CLMP: variants seen among roughly 807,000 people sequenced by gnomAD.
CLMP encodes the protein CXADR-like membrane protein.
In CLMP, 27 loss-of-function variants were observed where a neutral mutation model predicts 45.2. The observed-to-expected ratio is 0.60, with a 90% CI of 0.44 to 0.82. The LOEUF (loss-of-function observed/expected upper bound fraction) is 0.82, where lower values mean the gene tolerates loss of function less well. CLMP is among the 40% of genes least tolerant of loss of function. The pLI, the probability that CLMP is intolerant of heterozygous loss-of-function variation, is 0.00. For missense variants in CLMP, 403 were observed against 448.4 expected (o/e 0.90, Z 0.91); for synonymous variants, 167 against 171.4 (o/e 0.97, Z 0.20).
At chr11:123,139,217 A>G (rs547730260) in intron 1 of CLMP, among the ~76,000 whole-genome samples, 4 of 151,910 alleles carry the variant, frequency 2.6e-5, no homozygotes, top group East Asian at 2.0e-4. Context: ...AAACCTCTGA[A>G]CTACAGAATA....
intron 1 of CLMP, among the ~76,000 whole-genome samples, chr11:123,101,601 AG>A (rs1483195187): frequency 1.3e-5 from 2 of 152,240 alleles, no homozygotes; most frequent in African/African-American, 4.8e-5. Context: ...AGGAGCCCTC[AG>A]AGGCATCTGA....
intron 1 of CLMP, among the ~76,000 whole-genome samples, chr11:123,127,644 A>G (rs1434176062): frequency 6.6e-6 from 1 of 152,192 alleles, no homozygotes; most frequent in Non-Finnish European, 1.5e-5. Context: ...CAACCCAGAT[A>G]AAGATATGAC....
intron 1 of CLMP, among the ~76,000 whole-genome samples, chr11:123,099,751 T>C (rs1376631813): frequency 1.3e-5 from 2 of 151,926 alleles, no homozygotes; most frequent in Non-Finnish European, 1.5e-5. Flanking sequence ...GAAGAAGAAA[T>C]GTGGAAAAAT....
At chr11:123,129,363 AT>A (rs1860948746) in intron 1 of CLMP, among the ~76,000 whole-genome samples, 4 of 119,232 alleles carry the variant, frequency 3.4e-5, no homozygotes, top group Admixed American at 9.1e-5. Context: ...CATATGATAT[AT>A]TATATAAAAT....
At position 123,179,416 on chromosome 11, in the gene CLMP, C is replaced by T. The variant is rs531628182; in HGVS notation, c.28+15497G>A. Among the ~76,000 whole-genome samples, 13 of 152,290 alleles carry T rather than the reference C, an allele frequency of 8.5e-5. No individual in the cohort carries two copies. In the South Asian group the frequency reaches 2.3e-3, roughly 27 times the overall value. ...ATCTCTTGTGTCAGAAAGAAAGGAA[C>T]AAGGAAGCCTGGGGAAGGGTGGAGT... On this transcript the variant is annotated intron_variant, in intron 1 of 6. Coordinates refer to ENST00000448775, the MANE Select transcript of CLMP (RefSeq NM_024769.5).
chr11:123,165,156 A>C (rs1448325890), intron 1 of CLMP, among the ~76,000 whole-genome samples: 1 of 152,198 alleles, frequency 6.6e-6, no homozygotes, highest in East Asian at 1.9e-4. Flanking sequence ...CCTCATATCC[A>C]CCATAGCATC....
intron 1 of CLMP, among the ~76,000 whole-genome samples, chr11:123,131,484 C>CA (rs1405115953): frequency 6.6e-6 from 1 of 152,044 alleles, no homozygotes; most frequent in African/African-American, 2.4e-5. Context: ...AAAATAAGCC[C>CA]AAAACTAACC....
Position 123,083,159 on chromosome 11 carries a change from T to G in CLMP, c.605A>C (p.Tyr202Ser), listed in dbSNP as rs775445474. 1.9e-6 allele frequency: 3 copies of G among 1,613,840 alleles called. No homozygotes were observed. The African/African-American group carries it at 4.0e-5, about 22-fold the overall frequency. The change falls in exon 5 of 7, where the codon TAC (tyrosine) becomes TCC (serine). Residue 202 changes from tyrosine to serine, a missense_variant. Transcript: ENST00000448775. ...RVLLQNLTMSYSGLYQCTAGN... is the reference protein window; with the variant it reads ...RVLLQNLTMSSSGLYQCTAGN... ...TGCTGTGCACTGGTACAGTCCAGAG[T>G]AGGACATGGTAAGATTCTGCAGCAG... is the stretch of plus-strand genomic sequence containing the variant.
At chr11:123,181,286 A>T (rs934104263) in intron 1 of CLMP, among the ~76,000 whole-genome samples, 1 of 152,158 alleles carries the variant, frequency 6.6e-6, no homozygotes, top group African/African-American at 2.4e-5. Context: ...TTCCAGAGTG[A>T]GACTGAACAA....
At chr11:123,125,991 CA>C (rs1194935531) in intron 1 of CLMP, among the ~76,000 whole-genome samples, 1 of 152,136 alleles carries the variant, frequency 6.6e-6, no homozygotes. Flanking sequence ...TAGAGTATAA[CA>C]AAGACAACTT....
chr11:123,136,412 T>C, intron 1 of CLMP: 4 of 454,040 alleles, frequency 8.8e-6, no homozygotes, highest in Admixed American at 3.1e-5. Flanking sequence ...AGTTCTAGGG[T>C]GGTCCCCCCC....
At chr11:123,134,384 C>T (rs567274617) in intron 1 of CLMP, among the ~76,000 whole-genome samples, 27 of 152,122 alleles carry the variant, frequency 1.8e-4, no homozygotes, top group African/African-American at 5.1e-4. Context: ...ATATTTCTTA[C>T]CATCTTTAAC....
At chr11:123,092,391 G>A (rs940891260) in intron 2 of CLMP, among the ~76,000 whole-genome samples, 10 of 151,736 alleles carry the variant, frequency 6.6e-5, no homozygotes, top group Non-Finnish European at 1.0e-4. Flanking sequence ...TCCACCTCCC[G>A]GGTTCAAGCG....
intron 1 of CLMP, among the ~76,000 whole-genome samples, chr11:123,166,451 C>G (rs1861557658): frequency 6.6e-6 from 1 of 152,208 alleles, no homozygotes; most frequent in Non-Finnish European, 1.5e-5. Context: ...TCCCAAACAG[C>G]CTTGTATCTT....
chr11:123,093,777 A>T (rs1357382633), intron 2 of CLMP, among the ~76,000 whole-genome samples: 1 of 152,184 alleles, frequency 6.6e-6, no homozygotes. Context: ...CAAATAAAAA[A>T]ATTAAAAATA....
At chr11:123,130,841 CTTT>C (rs11322192) in intron 1 of CLMP, among the ~76,000 whole-genome samples, 17 of 126,278 alleles carry the variant, frequency 1.3e-4, no homozygotes, top group African/African-American at 2.5e-4. Flanking sequence ...TTTTCTTTTC[CTTT>C]TTTTTTTTTT....
intron 2 of CLMP, among the ~76,000 whole-genome samples, chr11:123,087,875 C>T (rs1411839307): frequency 1.3e-5 from 2 of 151,860 alleles, no homozygotes; most frequent in Non-Finnish European, 2.9e-5. Context: ...GGCCCCACAT[C>T]CTGTTGTACT....
rs879900917 is a variant in CLMP at position 123,150,509 on chromosome 11, AAGGAAGGAAGGAAGGAAGGAAAGAAAC to A, written c.28+44377_28+44403del. 2.1e-3 allele frequency among the ~76,000 whole-genome samples: 280 copies of A among 131,202 alleles called. 2 individuals are homozygous for A. Among genetic ancestry groups the A allele is most frequent in the African/African-American group, 4.9e-3 (166 of 33,546 alleles). The allele number at this position is 131,202 out of a possible 152,430, so 86.1% of individuals were successfully genotyped here. A position where few individuals can be genotyped will look rare whatever the true frequency, so the allele number is the denominator to read the frequency against. On this transcript the variant is annotated intron_variant, in intron 1 of 6. Transcript: ENST00000448775. ...GAAGGAAGGAAGGAAGGAAGGAAGG[AAGGAAGGAAGGAAGGAAGGAAAGAAAC>A]AAGCAAGGAAGGAAGGAAGGAAGGA... is the stretch of plus-strand genomic sequence containing the variant.
intron 1 of CLMP, among the ~76,000 whole-genome samples, chr11:123,154,356 G>C (rs760680842): frequency 3.3e-5 from 5 of 152,144 alleles, no homozygotes; most frequent in Non-Finnish European, 7.3e-5. Context: ...GAACCTATAG[G>C]CACATTGGCT....
Sources: gnomAD v4.1 joint callset for allele counts (sites outside exome capture counted in the v4.1 genomes callset) on GRCh38, gnomAD v4.1.1 for gene constraint, MANE v1.5 for transcripts, NCBI Gene and HGNC (gene_info 2026-07-23, HGNC 2026-07-21) for gene names.